Variants in CPA6 observed in about 807,000 individuals in gnomAD.
The protein encoded by CPA6 is carboxypeptidase A6.
A neutral mutation model predicts 63.3 loss-of-function variants in CPA6; 58 were observed. The ratio of observed to expected loss-of-function variants is 0.92; its 90% CI spans 0.74 to 1.14. The LOEUF is 1.14. CPA6 is among the 50% of genes most tolerant of loss of function. The probability of loss-of-function intolerance (pLI) is 0.00; values close to 1 mark genes in which losing one functional copy is unlikely to be tolerated. For missense variants in CPA6, 565 were observed against 526.6 expected (o/e 1.07, Z -0.71); for synonymous variants, 185 against 179.0 (o/e 1.03, Z -0.27).
intron 1 of CPA6, among the ~76,000 whole-genome samples, chr8:67,683,361 C>T (rs914722501): frequency 1.3e-5 from 2 of 152,150 alleles, no homozygotes; most frequent in African/African-American, 2.4e-5. Flanking sequence ...GACATTTGAA[C>T]TACTGGAATT....
chr8:67,714,990 C>G (rs927484301), intron 1 of CPA6, among the ~76,000 whole-genome samples: 3 of 152,178 alleles, frequency 2.0e-5, no homozygotes, highest in African/African-American at 7.2e-5. Context: ...AAAGGCACCT[C>G]CCTTGGAATG....
intron 8 of CPA6, among the ~76,000 whole-genome samples, chr8:67,447,002 A>G (rs1193359515): frequency 7.2e-6 from 1 of 139,388 alleles, no homozygotes; most frequent in Non-Finnish European, 1.5e-5. Flanking sequence ...TTACACATTC[A>G]TATATATATA....
At chr8:67,739,905 G>C (rs1481831896) in intron 1 of CPA6, among the ~76,000 whole-genome samples, 1 of 152,182 alleles carries the variant, frequency 6.6e-6, no homozygotes, top group Non-Finnish European at 1.5e-5. Context: ...CATTAACCCA[G>C]ACTGAGATTA....
At chr8:67,573,687 T>C (rs1449621709) in intron 2 of CPA6, among the ~76,000 whole-genome samples, 1 of 151,614 alleles carries the variant, frequency 6.6e-6, no homozygotes, top group Non-Finnish European at 1.5e-5. Flanking sequence ...GGTCAGGAGA[T>C]TGAGACCATC....
intron 10 of CPA6, among the ~76,000 whole-genome samples, chr8:67,426,629 G>A (rs769745149): frequency 1.9e-4 from 29 of 152,278 alleles, no homozygotes; most frequent in South Asian, 1.2e-3. Context: ...GCTGAAGAAA[G>A]TGAGTGGTAA....
chr8:67,461,549 C>T (rs1315124341), intron 8 of CPA6, among the ~76,000 whole-genome samples: 1 of 152,276 alleles, frequency 6.6e-6, no homozygotes, highest in Non-Finnish European at 1.5e-5. Flanking sequence ...CCATTGTCAT[C>T]CCGGCCCGTT....
At chr8:67,521,368 T>C (rs1433714156) in intron 2 of CPA6, among the ~76,000 whole-genome samples, 1 of 152,238 alleles carries the variant, frequency 6.6e-6, no homozygotes. Context: ...CTATTTGACT[T>C]TGGGGAGGTT....
chr8:67,576,023 C>A (rs1813616643), intron 2 of CPA6, among the ~76,000 whole-genome samples: 1 of 152,066 alleles, frequency 6.6e-6, no homozygotes, highest in South Asian at 2.1e-4. Context: ...ATGGTGGTTA[C>A]CAGAGGCTGA....
intron 6 of CPA6, among the ~76,000 whole-genome samples, chr8:67,503,468 A>ATTTTTTTTTTT (rs869172205): frequency 7.9e-6 from 1 of 126,022 alleles, no homozygotes; most frequent in Non-Finnish European, 1.6e-5. Context: ...AGCTAATTAA[A>ATTTTTTTTTTT]TTTTTTTTTT....
At chr8:67,483,725 G>T in intron 8 of CPA6, 43 bp downstream of exon 8, 2 of 1,532,232 alleles carry the variant, frequency 1.3e-6, no homozygotes, top group Non-Finnish European at 1.8e-6. Flanking sequence ...AGTAAAACCT[G>T]CAGAAACCTT....
At chr8:67,664,838 T>G (rs751288016) in intron 1 of CPA6, among the ~76,000 whole-genome samples, 31 of 152,182 alleles carry the variant, frequency 2.0e-4, no homozygotes, top group Non-Finnish European at 4.1e-4. Context: ...ACTATTACTC[T>G]GGTTGTACTT....
chr8:67,708,242 G>T (rs1054621768), intron 1 of CPA6, among the ~76,000 whole-genome samples: 7 of 152,168 alleles, frequency 4.6e-5, no homozygotes, highest in African/African-American at 1.7e-4. Flanking sequence ...TACTCTTGCT[G>T]TGCTTTATGC....
intron 6 of CPA6, among the ~76,000 whole-genome samples, chr8:67,501,139 C>G (rs1287621862): frequency 6.6e-6 from 1 of 152,040 alleles, no homozygotes; most frequent in Admixed American, 6.6e-5. Context: ...TGTGTTAAAT[C>G]TCTATATCAA....
At chr8:67,608,420 T>C (rs1380973993) in intron 2 of CPA6, among the ~76,000 whole-genome samples, 1 of 152,030 alleles carries the variant, frequency 6.6e-6, no homozygotes, top group Non-Finnish European at 1.5e-5. Flanking sequence ...ATAGAGGAGA[T>C]TGGCCACAGG....
chr8:67,684,001 G>GTGTATATATATA (rs1214064613), intron 1 of CPA6, among the ~76,000 whole-genome samples: 62 of 116,974 alleles, frequency 5.3e-4, no homozygotes, highest in African/African-American at 1.9e-3. Flanking sequence ...ATTTTAAAAT[G>GTGTATATATATA]TATATATATA....
At chr8:67,695,337 A>T (rs1816893437) in intron 1 of CPA6, among the ~76,000 whole-genome samples, 1 of 152,192 alleles carries the variant, frequency 6.6e-6, no homozygotes, top group Admixed American at 6.5e-5. Flanking sequence ...GCAGAGACCA[A>T]CACTGAGTCC....
chr8:67,585,992 A>C (rs1285420914), intron 2 of CPA6, among the ~76,000 whole-genome samples: 1 of 152,090 alleles, frequency 6.6e-6, no homozygotes, highest in Non-Finnish European at 1.5e-5. Context: ...TAGGCAGAAT[A>C]GTAGGGATGA....
At position 67,484,794 on chromosome 8, in the gene CPA6, A is replaced by G; in HGVS notation, c.637-5T>C. 3 of 1,509,530 alleles carry G rather than the reference A, an allele frequency of 2.0e-6. No individual in the cohort carries two copies. 93.5% of individuals were successfully genotyped at this position (1,509,530 alleles called of 1,614,324 possible). Reference sequence around the variant, plus strand: ...ACTCTTATATGTTAGAAGAGCCTAAAAGACAAAGGTGAGATTTTTCTTTTA... The same window carrying G: ...ACTCTTATATGTTAGAAGAGCCTAAGAGACAAAGGTGAGATTTTTCTTTTA... On this transcript the variant is annotated splice_region_variant and splice_polypyrimidine_tract_variant and intron_variant, in intron 6 of 10. Transcript: ENST00000297770.
intron 8 of CPA6, among the ~76,000 whole-genome samples, chr8:67,449,849 T>C (rs1452236110): frequency 7.4e-6 from 1 of 134,366 alleles, no homozygotes; most frequent in African/African-American, 2.8e-5. Context: ...TCTTGCTCTA[T>C]CCCCCAGGCT....
Sources: gnomAD v4.1 joint callset for allele counts (sites outside exome capture counted in the v4.1 genomes callset) on GRCh38, gnomAD v4.1.1 for gene constraint, MANE v1.5 for transcripts, NCBI Gene and HGNC (gene_info 2026-07-23, HGNC 2026-07-21) for gene names.